KCNN2: variants seen among roughly 807,000 people sequenced by gnomAD.
KCNN2 encodes the protein small conductance calcium-activated potassium channel protein 2.
Under a neutral mutation model 55.5 loss-of-function variants are expected in KCNN2, and 24 were observed. That is an observed-to-expected ratio of 0.43 (90% CI 0.31 to 0.61). KCNN2 has a LOEUF of 0.61. Ranked by LOEUF, KCNN2 falls within the 20% of genes least tolerant of loss-of-function variation. KCNN2 has a pLI of 0.08. For synonymous variants in KCNN2, 431 were observed against 336.1 expected (o/e 1.28, Z -3.09); for missense variants, 754 against 853.6 (o/e 0.88, Z 1.45).
chr5:114,482,576 T>C (rs914127413), intron 5 of KCNN2, among the ~76,000 whole-genome samples: 4 of 152,154 alleles, frequency 2.6e-5, no homozygotes, highest in African/African-American at 9.7e-5. Context: ...TATATGCATG[T>C]GTATGTTCAT....
At chr5:114,468,763 G>C (rs1475647020) in intron 4 of KCNN2, among the ~76,000 whole-genome samples, 4 of 152,082 alleles carry the variant, frequency 2.6e-5, no homozygotes, top group African/African-American at 9.7e-5. Context: ...CTTTTTCACA[G>C]TTGAAATAAT....
At chr5:114,241,766 A>ATGTGTG (rs1754637829) in intron 2 of KCNN2, among the ~76,000 whole-genome samples, 5 of 10,618 alleles carry the variant, frequency 4.7e-4, no homozygotes, top group African/African-American at 2.0e-3. Context: ...ATATATACGT[A>ATGTGTG]TATATATACA....
intron 1 of KCNN2, among the ~76,000 whole-genome samples, chr5:114,179,101 A>G (rs1165497108): frequency 1.3e-5 from 2 of 152,192 alleles, no homozygotes; most frequent in African/African-American, 4.8e-5. Flanking sequence ...GCCCAAACTC[A>G]TCAGTTTAAA....
At chr5:114,160,292 G>GT (rs530544646) in intron 1 of KCNN2, among the ~76,000 whole-genome samples, 35 of 152,334 alleles carry the variant, frequency 2.3e-4, no homozygotes, top group African/African-American at 8.2e-4. Flanking sequence ...AGGTTGTTCA[G>GT]TTTCCATGTA....
chr5:114,428,167 C>G (rs28502267), intron 3 of KCNN2, among the ~76,000 whole-genome samples: 151 of 152,218 alleles, frequency 9.9e-4, no homozygotes, highest in African/African-American at 3.3e-3. Context: ...GCTCTTTAAT[C>G]TGTATTATGT....
At chr5:114,285,003 C>T (rs1755707414) in intron 2 of KCNN2, among the ~76,000 whole-genome samples, 1 of 151,608 alleles carries the variant, frequency 6.6e-6, no homozygotes, top group Non-Finnish European at 1.5e-5. Flanking sequence ...AGTTGGCAGG[C>T]TGGGCGCGGT....
intron 1 of KCNN2, among the ~76,000 whole-genome samples, chr5:114,067,949 G>C (rs1251175228): frequency 6.6e-6 from 1 of 152,166 alleles, no homozygotes; most frequent in Non-Finnish European, 1.5e-5. Flanking sequence ...GGAAGAATGA[G>C]ATGTTTACTT....
intron 1 of KCNN2, among the ~76,000 whole-genome samples, chr5:114,074,663 T>C (rs114176038): frequency 0.01 from 1,594 of 152,326 alleles, 36 homozygotes; most frequent in African/African-American, 0.036. Context: ...TGAAGTGTTA[T>C]CTAAGTGAGA....
At chr5:114,354,766 TTAAATA>T (rs1395883094) in intron 2 of KCNN2, among the ~76,000 whole-genome samples, 1 of 152,164 alleles carries the variant, frequency 6.6e-6, no homozygotes, top group Non-Finnish European at 1.5e-5. Context: ...GTTGTATTTA[TTAAATA>T]GTAAGTTTTG....
intron 2 of KCNN2, among the ~76,000 whole-genome samples, chr5:114,368,123 A>T (rs2072530031): frequency 6.6e-6 from 1 of 152,058 alleles, no homozygotes; most frequent in Non-Finnish European, 1.5e-5. Context: ...TACAGTATTC[A>T]CTAGCTGTAA....
In KCNN2 at chr5:114,441,679, T is replaced by A. The variant is rs150476574; in HGVS notation, c.1638-21370T>A. On this transcript the variant is annotated intron_variant, in intron 3 of 7. Coordinates refer to ENST00000673685, the MANE Select transcript of KCNN2 (RefSeq NM_021614.4). ...TTTTCAAAACAGGGACATGTTTGTGTGATCATGTAATTTGGTTTCTGTTTG... is the reference window on the plus strand; with the variant it reads ...TTTTCAAAACAGGGACATGTTTGTGAGATCATGTAATTTGGTTTCTGTTTG... 1.6e-4 allele frequency among the ~76,000 whole-genome samples: 24 copies of A among 152,272 alleles called. No homozygotes were observed. The East Asian group carries it at 4.1e-3, about 26-fold the overall frequency.
intron 1 of KCNN2, among the ~76,000 whole-genome samples, chr5:114,078,782 T>C (rs1750736389): frequency 6.6e-6 from 1 of 152,162 alleles, no homozygotes; most frequent in South Asian, 2.1e-4. Flanking sequence ...CAAGAAAATA[T>C]AGAATTAGAT....
chr5:114,232,430 A>G (rs1456242491), intron 2 of KCNN2, among the ~76,000 whole-genome samples: 1 of 151,116 alleles, frequency 6.6e-6, no homozygotes, highest in Admixed American at 6.6e-5. Context: ...ATCACTGGTA[A>G]CCATCAGTAA....
At chr5:114,287,841 A>G (rs1755787041) in intron 2 of KCNN2, among the ~76,000 whole-genome samples, 1 of 151,964 alleles carries the variant, frequency 6.6e-6, no homozygotes, top group Non-Finnish European at 1.5e-5. Flanking sequence ...ACTTTTAGAC[A>G]TCATCAACAA....
chr5:114,427,178 G>C (rs1759654897), intron 3 of KCNN2, among the ~76,000 whole-genome samples: 1 of 152,246 alleles, frequency 6.6e-6, no homozygotes. Flanking sequence ...AACTTGTCCT[G>C]GGACTTCCCT....
chr5:114,129,855 ACTGTGTTTC>A (rs772897756), intron 1 of KCNN2, among the ~76,000 whole-genome samples: 2 of 152,258 alleles, frequency 1.3e-5, no homozygotes, highest in Non-Finnish European at 2.9e-5. Context: ...ATTCTTCATA[ACTGTGTTTC>A]CTGGTAGAAT....
At chr5:114,321,456 G>C (rs1370655705) in intron 2 of KCNN2, among the ~76,000 whole-genome samples, 1 of 152,094 alleles carries the variant, frequency 6.6e-6, no homozygotes, top group Admixed American at 6.6e-5. Flanking sequence ...TCCTCATCTG[G>C]AATACAACTC....
chr5:114,427,287 A>T (rs549178949), intron 3 of KCNN2, among the ~76,000 whole-genome samples: 1 of 152,220 alleles, frequency 6.6e-6, no homozygotes, highest in Non-Finnish European at 1.5e-5. Context: ...TAATAAAAAA[A>T]TTTTGACATG....
At chr5:114,225,408 T>G (rs1286180078) in intron 2 of KCNN2, among the ~76,000 whole-genome samples, 1 of 152,118 alleles carries the variant, frequency 6.6e-6, no homozygotes, top group Non-Finnish European at 1.5e-5. Flanking sequence ...TCTAAGCACA[T>G]AGAACAGAAA....
Sources: gnomAD v4.1 joint callset for allele counts (sites outside exome capture counted in the v4.1 genomes callset) on GRCh38, gnomAD v4.1.1 for gene constraint, MANE v1.5 for transcripts, NCBI Gene and HGNC (gene_info 2026-07-23, HGNC 2026-07-21) for gene names.